The following ORC3 variants were observed in gnomAD, a reference collection of about 807,000 sequenced individuals.
ORC3 encodes origin recognition complex subunit 3, also known as homolog of latheo, Drosophila.
Under a neutral mutation model 100.7 loss-of-function variants are expected in ORC3, and 78 were observed. The ratio of observed to expected loss-of-function variants is 0.77; its 90% confidence interval spans 0.65 to 0.94. The LOEUF (loss-of-function observed/expected upper bound fraction) is 0.94. Ranked by LOEUF, ORC3 falls within the 40% of genes least tolerant of loss-of-function variation. The probability of loss-of-function intolerance (pLI) is 0.00; values close to 1 mark genes in which losing one functional copy is unlikely to be tolerated. For synonymous variants in ORC3, 295 were observed against 289.3 expected (o/e 1.02, Z -0.20); for missense variants, 789 against 823.9 (o/e 0.96, Z 0.52).
intron 11 of ORC3, among the ~76,000 whole-genome samples, chr6:87,630,625 T>C (rs779589309): frequency 6.6e-6 from 1 of 152,120 alleles, no homozygotes; most frequent in Non-Finnish European, 1.5e-5. Context: ...TAGTGATAAG[T>C]GCTGAGATAA....
chr6:87,610,358 G>A lies in ORC3; in HGVS notation c.713+1129G>A, dbSNP rs542885150. Among the ~76,000 whole-genome samples, 10 of 151,660 alleles carry A rather than the reference G, an allele frequency of 6.6e-5. No individual in the cohort carries two copies. In the East Asian group the frequency reaches 1.4e-3, roughly 21 times the overall value. ...CAAGTAGCTGGGATTACAGGTGCCC[G>A]CTGCCACGCCTAGCTAATTTTTGTA... On this transcript the variant is annotated intron_variant, in intron 7 of 19. Coordinates refer to ENST00000392844, the MANE Select transcript of ORC3 (RefSeq NM_012381.4).
intron 13 of ORC3, among the ~76,000 whole-genome samples, chr6:87,646,693 C>T (rs1408456760): frequency 1.3e-5 from 2 of 152,196 alleles, no homozygotes; most frequent in Admixed American, 1.3e-4. Context: ...TGGTTTTTCT[C>T]CTACCTCAGT....
chr6:87,628,556 C>T (rs918454142), intron 11 of ORC3, among the ~76,000 whole-genome samples: 1 of 152,218 alleles, frequency 6.6e-6, no homozygotes, highest in Admixed American at 6.5e-5. Flanking sequence ...ATTTTCCCAA[C>T]TAGACTTTAA....
chr6:87,643,428 G>A (rs1768438778), intron 13 of ORC3, among the ~76,000 whole-genome samples: 1 of 150,386 alleles, frequency 6.6e-6, no homozygotes, highest in South Asian at 2.1e-4. Context: ...AAAAAAAAGC[G>A]GGGAGGGGGA....
chr6:87,653,955 C>G (rs1769472610), intron 14 of ORC3, among the ~76,000 whole-genome samples: 1 of 152,090 alleles, frequency 6.6e-6, no homozygotes, highest in Non-Finnish European at 1.5e-5. Flanking sequence ...TTCTCTTGCT[C>G]TGTTTCTAGC....
chr6:87,655,237 T>A (rs1321486336), intron 14 of ORC3, among the ~76,000 whole-genome samples: 1 of 152,110 alleles, frequency 6.6e-6, no homozygotes, highest in Non-Finnish European at 1.5e-5. Context: ...CAGGCTTAAG[T>A]GCAGTTGTGC....
the ORC3 span, chr6:87,676,031 C>CA: frequency 1.0e-6 from 1 of 964,966 alleles, no homozygotes; most frequent in Non-Finnish European, 1.6e-6. Context: ...TCTAAGTTGA[C>CA]AAAATCACTT....
At chr6:87,646,930 A>G (rs1011292146) in intron 13 of ORC3, among the ~76,000 whole-genome samples, 6 of 95,258 alleles carry the variant, frequency 6.3e-5, no homozygotes, top group Non-Finnish European at 1.2e-4. Flanking sequence ...TCATTTTCCT[A>G]CTGTCTCTTA....
downstream of ORC3, among the ~76,000 whole-genome samples, chr6:87,672,214 T>TG (rs1770849095): frequency 6.6e-6 from 1 of 151,690 alleles, no homozygotes; most frequent in South Asian, 2.1e-4. Context: ...AACAAGTTGG[T>TG]GAAAAAAAAG....
rs1779567157 is a variant in ORC3 at position 87,621,978 on chromosome 6, C to G, written c.1150C>G (p.Gln384Glu). ...RYVEKQASEK[Q>E]VALLTNERYL... ...CGTGGAAAAGCAAGCTTCAGAAAAG[C>G]AAGTTGCGCTCTTGACCAATGAGAG... The change falls in exon 11 of 20, where the codon CAA becomes GAA. Residue 384 changes from glutamine to glutamate, a missense_variant. By Grantham distance (29) the Gln-to-Glu change is conservative. Coordinates refer to ENST00000392844, the MANE Select transcript of ORC3 (RefSeq NM_012381.4). 3.1e-6 allele frequency: 5 copies of G among 1,608,210 alleles called. No individual in the cohort carries two copies. The highest frequency in any genetic ancestry group is 4.3e-6 in the Non-Finnish European group (5 of 1,176,328).
Position 87,667,286 on chromosome 6 carries a change from G to A in ORC3, c.*163G>A, listed in dbSNP as rs1770715764. 3.8e-6 allele frequency: 2 copies of A among 520,014 alleles called. No individual in the cohort carries two copies. Among genetic ancestry groups the A allele is most frequent in the Admixed American group, 3.7e-5 (1 of 27,304 alleles). 32.2% of individuals were successfully genotyped at this position (520,014 alleles called of 1,614,324 possible). On this transcript the variant is annotated 3_prime_UTR_variant, in exon 20 of 20. Transcript: ENST00000392844. ...TACATTGCTAACCCCAAACAGGCAT[G>A]TATCAAAACACCTGTGGAGTACTTT...
At chr6:87,671,040 G>C (rs1447894385), downstream of ORC3, among the ~76,000 whole-genome samples, 38 of 152,174 alleles carry the variant, frequency 2.5e-4, no homozygotes, top group Admixed American at 2.5e-3. Context: ...AGAGTGAGCA[G>C]GAGGAATTCA....
At chr6:87,670,303 C>T (rs189107860), downstream of ORC3, among the ~76,000 whole-genome samples, 16 of 152,128 alleles carry the variant, frequency 1.1e-4, no homozygotes, top group East Asian at 3.1e-3. Flanking sequence ...GTAGCTGGGA[C>T]CACAGGTGTG....
intron 13 of ORC3, among the ~76,000 whole-genome samples, chr6:87,645,984 C>CTTTTTTTTTTTTT (rs747686139): frequency 9.4e-5 from 12 of 127,010 alleles, no homozygotes; most frequent in Admixed American, 1.6e-4. Flanking sequence ...CTTTTTTTTT[C>CTTTTTTTTTTTTT]TTTTTTTTTT....
chr6:87,626,085 G>GT, intron 11 of ORC3, among the ~76,000 whole-genome samples: 1 of 152,304 alleles, frequency 6.6e-6, no homozygotes, highest in East Asian at 1.9e-4. Flanking sequence ...TTTGGTTACT[G>GT]TAGCCTTGTA....
In ORC3 at chr6:87,643,228, G is replaced by A. The variant is rs369378448; in HGVS notation, c.1382+6742G>A. Among the ~76,000 whole-genome samples the A allele has an allele frequency of 4.9e-4, 75 of 152,252 alleles. 1 individual carries two copies. Among genetic ancestry groups the A allele is most frequent in the African/African-American group, 1.8e-3 (74 of 41,554 alleles). On this transcript the variant is annotated intron_variant, in intron 13 of 19. Coordinates refer to ENST00000392844, the MANE Select transcript of ORC3 (RefSeq NM_012381.4). ...ATCCCAGCACTTTGGGAGGCGGGCT[G>A]ATCAGGAGGTCAGAGAATTAGCTGA...
chr6:87,655,605 A>C (rs978525522), intron 14 of ORC3, among the ~76,000 whole-genome samples: 3 of 151,670 alleles, frequency 2.0e-5, no homozygotes, highest in African/African-American at 7.3e-5. Context: ...TGCCTGCCTC[A>C]GCCTCCCAAA....
intron 9 of ORC3, among the ~76,000 whole-genome samples, chr6:87,620,554 T>C (rs1779464739): frequency 6.6e-6 from 1 of 152,232 alleles, no homozygotes; most frequent in Admixed American, 6.5e-5. Context: ...TAACCTAACA[T>C]GCTAATTTAT....
intron 13 of ORC3, among the ~76,000 whole-genome samples, chr6:87,638,428 A>G (rs1163601886): frequency 6.6e-6 from 1 of 152,236 alleles, no homozygotes; most frequent in African/African-American, 2.4e-5. Flanking sequence ...TCATGAGAGA[A>G]AAGACTAAAA....
Sources: allele counts gnomAD v4.1 joint callset (sites outside exome capture counted in the v4.1 genomes callset), GRCh38; gene constraint gnomAD v4.1.1; transcripts MANE v1.5; gene names NCBI Gene and HGNC (gene_info 2026-07-23, HGNC 2026-07-21).